The following MEOX2 variants were observed in gnomAD, a reference collection of about 807,000 sequenced individuals.
MEOX2 encodes mesenchyme homeobox 2, also known as homeobox protein MOX-2.
Under a neutral mutation model 27.0 loss-of-function variants are expected in MEOX2, and 11 were observed. That is an observed-to-expected ratio of 0.41 (90% confidence interval 0.26 to 0.68). MEOX2 has a LOEUF of 0.68. Among genes scored for constraint, MEOX2 ranks in the 30% least tolerant of loss-of-function variants. The pLI is 0.33. For synonymous variants in MEOX2, 189 were observed against 155.4 expected (o/e 1.22, Z -1.61); for missense variants, 436 against 385.4 (o/e 1.13, Z -1.10).
intron 2 of MEOX2, 63 bp from the exon 3 acceptor site, chr7:15,612,674 C>A: frequency 7.1e-7 from 1 of 1,404,720 alleles, no homozygotes; most frequent in Non-Finnish European, 1.0e-6. Flanking sequence ...ACATTTTTTT[C>A]TCCTTAGTGT....
intron 2 of MEOX2, among the ~76,000 whole-genome samples, chr7:15,616,941 C>A (rs1442809768): frequency 6.6e-6 from 1 of 152,112 alleles, no homozygotes; most frequent in East Asian, 1.9e-4. Context: ...ACTTATTTGG[C>A]CATCACATTA....
intron 1 of MEOX2, among the ~76,000 whole-genome samples, chr7:15,670,332 T>C (rs1047631662): frequency 9.9e-5 from 15 of 152,242 alleles, no homozygotes; most frequent in African/African-American, 3.4e-4. Flanking sequence ...GGTAAAATAC[T>C]ACTCTTTACA....
At chr7:15,640,825 A>G (rs73288108) in intron 1 of MEOX2, among the ~76,000 whole-genome samples, 3,909 of 152,250 alleles carry the variant, frequency 0.026, 171 homozygotes, top group African/African-American at 0.088. Flanking sequence ...AGTGAATCAT[A>G]TTTATTGAGT....
At chr7:15,678,818 C>G (rs537441696) in intron 1 of MEOX2, 2 of 152,336 alleles carry the variant, frequency 1.3e-5, no homozygotes, top group Admixed American at 6.5e-5. Context: ...CTGGACCCTC[C>G]TCTAGGTTTT....
At chr7:15,622,639 A>G (rs915161405) in intron 2 of MEOX2, among the ~76,000 whole-genome samples, 1 of 152,186 alleles carries the variant, frequency 6.6e-6, no homozygotes, top group African/African-American at 2.4e-5. Context: ...TGGAAATCCT[A>G]GGGAAGGATG....
Position 15,634,545 on chromosome 7 carries a change from T to C in MEOX2, c.518-7627A>G, listed in dbSNP as rs555467598. Among the ~76,000 whole-genome samples, 7 of 152,120 alleles carry C rather than the reference T, an allele frequency of 4.6e-5. No homozygotes were observed. In the East Asian group the frequency reaches 1.4e-3, roughly 29 times the overall value. On this transcript the variant is annotated intron_variant, in intron 1 of 2. Coordinates refer to ENST00000262041, the MANE Select transcript of MEOX2 (RefSeq NM_005924.5). ...TTCAACCAGATATCTGTAGTTTAAT[T>C]GGTTAAATCTGGCAATCCTAAATTG...
chr7:15,639,227 T>G (rs1390625189), intron 1 of MEOX2, among the ~76,000 whole-genome samples: 1 of 152,044 alleles, frequency 6.6e-6, no homozygotes, highest in Non-Finnish European at 1.5e-5. Flanking sequence ...ACTGATGATT[T>G]GTGATGTTGA....
At chr7:15,675,152 C>G (rs1047434926) in intron 1 of MEOX2, among the ~76,000 whole-genome samples, 14 of 152,126 alleles carry the variant, frequency 9.2e-5, no homozygotes, top group African/African-American at 3.4e-4. Flanking sequence ...AAATATGATT[C>G]TGTTCACATA....
At chr7:15,614,928 A>G (rs576225292) in intron 2 of MEOX2, among the ~76,000 whole-genome samples, 81 of 152,272 alleles carry the variant, frequency 5.3e-4, no homozygotes, top group African/African-American at 1.9e-3. Context: ...AAATATTTAA[A>G]CTGAGATATT....
At chr7:15,630,143 C>G (rs1410754518) in intron 1 of MEOX2, among the ~76,000 whole-genome samples, 1 of 152,082 alleles carries the variant, frequency 6.6e-6, no homozygotes, top group East Asian at 1.9e-4. Flanking sequence ...CATTCACACA[C>G]TCTCTCAGCG....
At chr7:15,634,456 G>A (rs572774346) in intron 1 of MEOX2, among the ~76,000 whole-genome samples, 63 of 152,008 alleles carry the variant, frequency 4.1e-4, no homozygotes, top group African/African-American at 1.5e-3. Context: ...GTTTTAGTAT[G>A]TTACAAATAT....
intron 1 of MEOX2, among the ~76,000 whole-genome samples, chr7:15,669,836 T>G (rs1332196746): frequency 6.6e-6 from 1 of 152,228 alleles, no homozygotes; most frequent in Non-Finnish European, 1.5e-5. Context: ...TTCTAAAGAC[T>G]ACATCTATTG....
chr7:15,630,182 A>G (rs1014386586), intron 1 of MEOX2, among the ~76,000 whole-genome samples: 1 of 152,056 alleles, frequency 6.6e-6, no homozygotes, highest in Non-Finnish European at 1.5e-5. Flanking sequence ...TTATGTGTTC[A>G]GGTATGGTTG....
intron 1 of MEOX2, chr7:15,681,050 T>G (rs1472172644): frequency 6.6e-6 from 1 of 151,658 alleles, no homozygotes; most frequent in Non-Finnish European, 1.5e-5. Flanking sequence ...TAAAGAAAAT[T>G]TGGGTGAGAT....
Position 15,686,489 on chromosome 7 carries a change from G to A in MEOX2, c.-87C>T, listed in dbSNP as rs1317680491. 5 of 1,239,490 alleles carry A rather than the reference G, an allele frequency of 4.0e-6. No individual in the cohort carries two copies. The East Asian group carries it at 1.4e-4, about 34-fold the overall frequency. 76.8% of individuals were successfully genotyped at this position (1,239,490 alleles called of 1,614,324 possible). ...CTGTCACTTTTTCACTGGAAACCGT[G>A]TGATTTTTTTTTTAACCTCCCAAAG... On this transcript the variant is annotated 5_prime_UTR_variant, in exon 1 of 3. Coordinates refer to ENST00000262041, the MANE Select transcript of MEOX2 (RefSeq NM_005924.5).
intron 1 of MEOX2, among the ~76,000 whole-genome samples, chr7:15,665,041 T>TCACA (rs35772927): frequency 0.056 from 7,945 of 141,218 alleles, 392 homozygotes; most frequent in African/African-American, 0.13. Context: ...TAAGTGGACA[T>TCACA]CACACACACA....
At chr7:15,623,601 C>G (rs1253428355) in intron 2 of MEOX2, among the ~76,000 whole-genome samples, 3 of 152,174 alleles carry the variant, frequency 2.0e-5, no homozygotes, top group Non-Finnish European at 4.4e-5. Context: ...AACCCCTGAC[C>G]TCAAGTGACC....
intron 1 of MEOX2, among the ~76,000 whole-genome samples, chr7:15,644,365 AGTTTC>A (rs1781610847): frequency 6.6e-6 from 1 of 152,156 alleles, no homozygotes; most frequent in Admixed American, 6.5e-5. Context: ...TGGTGCCTGG[AGTTTC>A]CCTCTTTTAC....
At chr7:15,683,142 A>G (rs1229721140) in intron 1 of MEOX2, among the ~76,000 whole-genome samples, 1 of 151,996 alleles carries the variant, frequency 6.6e-6, no homozygotes, top group Non-Finnish European at 1.5e-5. Flanking sequence ...ATAAAATTGT[A>G]AGGTTTATAA....
Sources: allele counts gnomAD v4.1 joint callset (sites outside exome capture counted in the v4.1 genomes callset), GRCh38; gene constraint gnomAD v4.1.1; transcripts MANE v1.5; gene names NCBI Gene and HGNC (gene_info 2026-07-23, HGNC 2026-07-21).